The following ADAM8 variants were observed in gnomAD, a reference collection of about 807,000 sequenced individuals.
ADAM8 encodes disintegrin and metalloproteinase domain-containing protein 8.
In ADAM8, 104 loss-of-function variants were observed where a neutral mutation model predicts 102.4. That is an observed-to-expected ratio of 1.02 (90% CI 0.87 to 1.20). The LOEUF is 1.20. Among genes scored for constraint, ADAM8 ranks in the 50% most tolerant of loss-of-function variants. ADAM8 has a pLI of 0.00. For synonymous variants in ADAM8, 517 were observed against 485.2 expected (o/e 1.07, Z -0.86); for missense variants, 1,132 against 1,159.0 (o/e 0.98, Z 0.34).
chr10:133,272,654 G>A (rs1390141827), intron 8 of ADAM8, 69 bp from the exon 9 acceptor site: 32 of 1,551,450 alleles, frequency 2.1e-5, no homozygotes, highest in African/African-American at 4.1e-5. Context: ...GGTGGGTGGC[G>A]GAGGATGCAC....
At chr10:133,270,118 C>G in intron 16 of ADAM8, 144 bp from the exon 17 acceptor site, 1 of 1,153,182 alleles carries the variant, frequency 8.7e-7, no homozygotes. Flanking sequence ...GGCTGCCTAC[C>G]CCCAAAGCCC....
Position 133,271,029 on chromosome 10 carries a change from C to A in ADAM8, c.1416G>T (p.Met472Ile), listed in dbSNP as rs75429524. The A allele has an allele frequency of 8.1e-5, 130 of 1,612,748 alleles. No homozygotes were observed. In the East Asian group the frequency reaches 2.7e-3, roughly 33 times the overall value. ...AGELCRPKKD[M>I]CDLEEFCDGR... ...CGTCACAGAACTCCTCGAGGTCACA[C>A]ATGTCCTTCTTGGGACGGCACAGCT... Residue 472 changes from methionine to isoleucine, a missense_variant, in exon 14 of 23, where the codon ATG (methionine) becomes ATT (isoleucine). By Grantham distance (10) the Met-to-Ile change is conservative. Transcript: ENST00000445355.
chr10:133,270,694 G>A, intron 15 of ADAM8, 42 bp downstream of exon 15: 2 of 1,584,032 alleles, frequency 1.3e-6, no homozygotes, highest in South Asian at 1.1e-5. Context: ...ACCCCGCTGT[G>A]GGAACAGCAC....
At position 133,262,986 on chromosome 10, in the gene ADAM8, G is replaced by C; in HGVS notation, c.*170C>G. The C allele has an allele frequency of 1.2e-6, 1 of 813,408 alleles. No homozygotes were observed. Among genetic ancestry groups the C allele is most frequent in the Non-Finnish European group, 2.1e-6 (1 of 477,026 alleles). The allele number at this position is 813,408 out of a possible 1,614,324, so 50.4% of individuals were successfully genotyped here. The stretch of plus-strand genomic sequence containing the variant: ...CGGGGAGAAGGAATTGGCTGAGGGC[G>C]TGGACAGCAGGAGCCTCTCAGGTAG... On this transcript the variant is annotated 3_prime_UTR_variant, in exon 23 of 23. Transcript: ENST00000445355.
intron 19 of ADAM8, 69 bp downstream of exon 19, chr10:133,268,679 A>G: frequency 6.6e-7 from 1 of 1,506,682 alleles, no homozygotes; most frequent in Non-Finnish European, 9.0e-7. Flanking sequence ...CGTGCTGGGC[A>G]CTCCTTCCTC....
At position 133,271,700 on chromosome 10, in the gene ADAM8, C is replaced by A. The variant is rs555479023; in HGVS notation, c.1112G>T (p.Ser371Ile). 1 of 1,584,102 alleles carries A rather than the reference C, an allele frequency of 6.3e-7. No homozygotes were observed. Among genetic ancestry groups the A allele is most frequent in the Non-Finnish European group, 8.6e-7 (1 of 1,164,628 alleles). The change falls in exon 12 of 23, where the codon AGT (serine) becomes ATT (isoleucine). Residue 371 changes from serine (S) to isoleucine (I), a missense_variant. By Grantham distance (142) the Ser-to-Ile change is moderately radical. Transcript: ENST00000445355. ...RCIMAGSIGS[S>I]FPRMFSDCSQ... The stretch of plus-strand genomic sequence containing the variant: ...GCAGTCACTGAACATCCTGGGGAAA[C>A]TGGAGCTGGGGAGGCGGGGCAGCAT...
chr10:133,268,154 G>A (rs540784289), intron 19 of ADAM8, 36 bp from the exon 20 acceptor site: 18 of 1,252,074 alleles, frequency 1.4e-5, no homozygotes, highest in Admixed American at 8.1e-5. Flanking sequence ...GTCAGTGTCC[G>A]GCCATGGGGC....
Position 133,269,896 on chromosome 10 carries a change from C to T in ADAM8, c.1863+1G>A, listed in dbSNP as rs1179184064. On this transcript the variant is annotated splice_donor_variant, in intron 17 of 22. Coordinates refer to ENST00000445355, the MANE Select transcript of ADAM8 (RefSeq NM_001109.5). LOFTEE classifies it high-confidence loss of function. The stretch of plus-strand genomic sequence containing the variant: ...GCCCTGTCCCGAGAGGCCACACATA[C>T]CCCATGGTTGTGGCACTGGGCAGAG... 4.3e-6 allele frequency: 7 copies of T among 1,612,538 alleles called. No homozygotes were observed. The highest frequency in any genetic ancestry group is 5.9e-6 in the Non-Finnish European group (7 of 1,179,914).
intron 5 of ADAM8, 97 bp downstream of exon 5, chr10:133,273,665 A>G (rs1456021242): frequency 7.2e-7 from 1 of 1,381,390 alleles, no homozygotes; most frequent in Admixed American, 2.1e-5. Flanking sequence ...GAGTGGGAGG[A>G]GGAGGCACCC....
chr10:133,265,514 G>A (rs539489560), intron 21 of ADAM8, among the ~76,000 whole-genome samples: 116 of 152,126 alleles, frequency 7.6e-4, no homozygotes, highest in Non-Finnish European at 1.3e-3. Flanking sequence ...TATTAGGGCC[G>A]GGCATGGTGG....
rs371901423 is a variant in ADAM8, at chr10:133,265,146, A to G, written c.2320-1381T>C. ...CTCTGCCCCATCTACCTCCATGCCC[A>G]GCTCCTGCTGCAGCCTCTGCCCCAT... is the stretch of plus-strand genomic sequence containing the variant. On this transcript the variant is annotated intron_variant, in intron 21 of 22. Transcript: ENST00000445355. 7.5e-3 allele frequency among the ~76,000 whole-genome samples: 726 copies of G among 96,804 alleles called. 3 individuals are homozygous for G. The highest frequency in any genetic ancestry group is 9.2e-3 in the Admixed American group (72 of 7,842). 63.5% of individuals were successfully genotyped at this position (96,804 alleles called of 152,430 possible). A position where few individuals can be genotyped will look rare whatever the true frequency, so the allele number is the denominator to read the frequency against.
rs564250046 is a variant in ADAM8 at position 133,272,668 on chromosome 10, T to C, written c.706-83A>G. 30 of 1,538,400 alleles carry C rather than the reference T, an allele frequency of 2.0e-5. No individual in the cohort carries two copies. The African/African-American group carries it at 3.7e-4, about 19-fold the overall frequency. Reference sequence around the variant, plus strand: ...GGGTGGGTGGCGGAGGATGCACCTGTCCCACGGCGAGGTGGGGCCAGGCAC... The same window carrying C: ...GGGTGGGTGGCGGAGGATGCACCTGCCCCACGGCGAGGTGGGGCCAGGCAC... On this transcript the variant is annotated intron_variant, in intron 8 of 22. Coordinates refer to ENST00000445355, the MANE Select transcript of ADAM8 (RefSeq NM_001109.5).
In ADAM8 at chr10:133,269,914, G is replaced by A. The variant is rs905816851; in HGVS notation, c.1846C>T (p.Gln616Ter). The A allele has an allele frequency of 1.2e-6, 2 of 1,612,764 alleles. No homozygotes were observed. The highest frequency in any genetic ancestry group is 8.5e-7 in the Non-Finnish European group (1 of 1,179,956). ...HVYRSSNCSA[Q>*]CHNHGVCNHK... ...ACACATACCCCATGGTTGTGGCACT[G>A]GGCAGAGCAGTTGCTGGATCTGTAA... is the stretch of plus-strand genomic sequence containing the variant. The change falls in exon 17 of 23, where the codon CAG (glutamine) becomes TAG (stop). Residue 616 changes from glutamine to a stop codon, truncating the protein, a stop_gained. Coordinates refer to ENST00000445355, the MANE Select transcript of ADAM8 (RefSeq NM_001109.5). LOFTEE classifies it high-confidence loss of function.
At chr10:133,271,501 G>T in intron 12 of ADAM8, 27 bp downstream of exon 12, 1 of 1,532,200 alleles carries the variant, frequency 6.5e-7, no homozygotes, top group Non-Finnish European at 8.8e-7. Flanking sequence ...CAGTGCTGAC[G>T]GGAGCAGGTA....
rs925881953 is a variant in ADAM8 at position 133,270,476 on chromosome 10, C to T, written c.1669G>A (p.Gly557Arg). Residue 557 changes from glycine (G) to arginine (R), a missense_variant, in exon 16 of 23, where the codon GGG (glycine) becomes AGG (arginine). Coordinates refer to ENST00000445355, the MANE Select transcript of ADAM8 (RefSeq NM_001109.5). Reference protein sequence around the residue: ...DMCGVLQCKGGQQPLGRAICI... With the variant: ...DMCGVLQCKGRQQPLGRAICI... The stretch of plus-strand genomic sequence containing the variant: ...ATGGCACGCCCCAGGGGCTGCTGCC[C>T]ACCCTTGCACTGCAGAACGCCACAC... 2 of 1,602,228 alleles carry T rather than the reference C, an allele frequency of 1.2e-6. No homozygotes were observed. The highest frequency in any genetic ancestry group is 2.2e-5 in the South Asian group (2 of 90,756).
chr10:133,263,641 C>CCACTGTCAGCCCCGTGGGGAGGCCGTGT (rs1422635673), intron 22 of ADAM8, 47 bp downstream of exon 22: 7 of 1,483,552 alleles, frequency 4.7e-6, no homozygotes, highest in East Asian at 2.6e-5. Context: ...GGAGGCCGTG[C>CCACTGTCAGCCCCGTGGGGAGGCCGTGT]CGTCCATTGC....
chr10:133,275,073 G>C lies in ADAM8; in HGVS notation c.150+411C>G, dbSNP rs554518910. On this transcript the variant is annotated intron_variant, in intron 2 of 22. Transcript: ENST00000445355. ...AGGCTTCAGGAATCACCCTCGGGCA[G>C]CCCCAGTCGGGGAGGGGGGCATTCT... is the stretch of plus-strand genomic sequence containing the variant. The C allele has an allele frequency of 2.1e-5, 6 of 284,076 alleles. No individual in the cohort carries two copies. In the East Asian group the frequency reaches 8.3e-4, roughly 39 times the overall value. 17.6% of individuals were successfully genotyped at this position (284,076 alleles called of 1,614,324 possible).
At chr10:133,268,702 A>G in intron 19 of ADAM8, 46 bp downstream of exon 19, 1 of 1,566,712 alleles carries the variant, frequency 6.4e-7, no homozygotes, top group South Asian at 1.1e-5. Context: ...GCAGCTGAGC[A>G]CGGGAAGCAC....
At chr10:133,272,328 T>A (rs1440152971) in intron 9 of ADAM8, 54 bp from the exon 10 acceptor site, 70 of 685,314 alleles carry the variant, frequency 1.0e-4, no homozygotes, top group Non-Finnish European at 1.3e-4. Context: ...CCCACTTCCC[T>A]CCCACCCCAG....
Sources: gnomAD v4.1 joint callset for allele counts (sites outside exome capture counted in the v4.1 genomes callset) on GRCh38, gnomAD v4.1.1 for gene constraint, MANE v1.5 for transcripts, NCBI Gene and HGNC (gene_info 2026-07-23, HGNC 2026-07-21) for gene names.